Variants in DPP10 observed in about 807,000 individuals in gnomAD.
DPP10 encodes the protein inactive dipeptidyl peptidase 10.
Under a neutral mutation model 120.9 loss-of-function variants are expected in DPP10, and 33 were observed. The ratio of observed to expected loss-of-function variants is 0.27; its 90% CI spans 0.21 to 0.37. The LOEUF is 0.37. Among genes scored for constraint, DPP10 ranks in the 10% least tolerant of loss-of-function variants. The pLI is 1.00. For missense variants in DPP10, 816 were observed against 942.8 expected, an observed-to-expected ratio of 0.87 and a Z score of 1.76; for synonymous variants, 337 against 326.1, an observed-to-expected ratio of 1.03 and a Z score of -0.36.
intron 3 of DPP10, among the ~76,000 whole-genome samples, chr2:115,355,637 A>G (rs901593293): frequency 6.6e-6 from 1 of 152,204 alleles, no homozygotes; most frequent in Admixed American, 6.5e-5. Context: ...GCCCATGCCT[A>G]TGTCCTGAAT....
intron 1 of DPP10, among the ~76,000 whole-genome samples, chr2:114,492,613 C>A (rs1036706488): frequency 1.3e-5 from 2 of 152,092 alleles, no homozygotes; most frequent in Non-Finnish European, 2.9e-5. Context: ...AACTATTTTG[C>A]ATTTCAATAT....
At chr2:115,833,456 A>G (rs113501580) in intron 21 of DPP10, among the ~76,000 whole-genome samples, 5,861 of 152,224 alleles carry the variant, frequency 0.039, 351 homozygotes, top group Admixed American at 0.17. Context: ...ACTAGGAACA[A>G]TATACTGGAA....
chr2:115,148,769 C>T (rs1335570344), intron 1 of DPP10, among the ~76,000 whole-genome samples: 2 of 152,246 alleles, frequency 1.3e-5, no homozygotes, highest in South Asian at 2.1e-4. Flanking sequence ...CCATCTTAAC[C>T]GCTACGCATG....
chr2:114,620,404 G>A (rs565664134), intron 1 of DPP10, among the ~76,000 whole-genome samples: 17 of 151,946 alleles, frequency 1.1e-4, no homozygotes, highest in East Asian at 5.8e-4. Context: ...GTTAATTATC[G>A]CCTTATTTGA....
At chr2:115,437,319 T>A (rs182511789) in intron 3 of DPP10, among the ~76,000 whole-genome samples, 124 of 152,190 alleles carry the variant, frequency 8.1e-4, no homozygotes, top group Middle Eastern at 3.4e-3. Context: ...TACGTAAGTT[T>A]TCAGCATTAG....
chr2:115,642,468 A>G (rs959816709), intron 5 of DPP10, among the ~76,000 whole-genome samples: 7 of 152,160 alleles, frequency 4.6e-5, no homozygotes, highest in African/African-American at 1.4e-4. Context: ...TTGAACTGCA[A>G]TTCTTTTCCG....
chr2:115,119,214 C>T (rs2104726340), intron 1 of DPP10, among the ~76,000 whole-genome samples: 1 of 152,204 alleles, frequency 6.6e-6, no homozygotes, highest in Non-Finnish European at 1.5e-5. Context: ...AAGCATTTTT[C>T]CCTTACCAGT....
chr2:115,388,547 A>C (rs143940011), intron 3 of DPP10, among the ~76,000 whole-genome samples: 2 of 152,170 alleles, frequency 1.3e-5, no homozygotes, highest in Non-Finnish European at 2.9e-5. Flanking sequence ...GCTTGGACAA[A>C]TACTTCCTGG....
chr2:115,573,151 A>G (rs376544461), intron 5 of DPP10, among the ~76,000 whole-genome samples: 2 of 152,164 alleles, frequency 1.3e-5, no homozygotes, highest in African/African-American at 4.8e-5. Context: ...TAGGAAATAG[A>G]ACAGTCAGAG....
intron 1 of DPP10, among the ~76,000 whole-genome samples, chr2:114,465,529 G>A (rs1679289827): frequency 6.6e-6 from 1 of 152,040 alleles, no homozygotes; most frequent in Admixed American, 6.5e-5. Flanking sequence ...AGATCACAAA[G>A]TCCCTGAACA....
At chr2:114,845,293 T>G (rs1175421662) in intron 1 of DPP10, among the ~76,000 whole-genome samples, 2 of 152,142 alleles carry the variant, frequency 1.3e-5, no homozygotes, top group Admixed American at 1.3e-4. Flanking sequence ...ATGATATGAT[T>G]AACAAACATT....
chr2:115,145,136 T>C (rs1430213120), intron 1 of DPP10: 2 of 151,666 alleles, frequency 1.3e-5, no homozygotes, highest in Admixed American at 6.6e-5. Context: ...TTTTGTGATA[T>C]GTGTGTCAGA....
At chr2:114,963,787 A>G (rs941833746) in intron 1 of DPP10, among the ~76,000 whole-genome samples, 1 of 152,160 alleles carries the variant, frequency 6.6e-6, no homozygotes, top group Admixed American at 6.5e-5. Flanking sequence ...GGGATTTGCT[A>G]AAGATCAAAT....
At chr2:115,626,483 T>C (rs1231564777) in intron 5 of DPP10, among the ~76,000 whole-genome samples, 1 of 152,130 alleles carries the variant, frequency 6.6e-6, no homozygotes, top group African/African-American at 2.4e-5. Context: ...TTCCCCATGA[T>C]TTATACATGC....
At chr2:114,640,879 C>T (rs1227207436) in intron 1 of DPP10, among the ~76,000 whole-genome samples, 2 of 151,862 alleles carry the variant, frequency 1.3e-5, no homozygotes, top group East Asian at 3.9e-4. Flanking sequence ...AGGAGGTTTC[C>T]CTCGGTCCCA....
intron 1 of DPP10, among the ~76,000 whole-genome samples, chr2:114,605,174 A>G (rs1692687691): frequency 6.6e-6 from 1 of 152,098 alleles, no homozygotes; most frequent in African/African-American, 2.4e-5. Context: ...CCAGAGCTAG[A>G]TTAGTCAGAC....
chr2:114,810,515 C>CT (rs1476507211), intron 1 of DPP10, among the ~76,000 whole-genome samples: 1 of 152,110 alleles, frequency 6.6e-6, no homozygotes, highest in Non-Finnish European at 1.5e-5. Context: ...GATCATCATA[C>CT]AATAAGATAT....
In DPP10 at chr2:114,512,870, C is replaced by T. The variant is rs771649012; in HGVS notation, c.60+70032C>T. ...TCACGTTCCTGTTGAGGAATGCCTG[C>T]ACCTCTGACCAGCCTCAAACACTGC... On this transcript the variant is annotated intron_variant, in intron 1 of 25. Coordinates refer to ENST00000410059, the MANE Select transcript of DPP10 (RefSeq NM_020868.6). 4.6e-5 allele frequency among the ~76,000 whole-genome samples: 7 copies of T among 152,272 alleles called. No individual in the cohort carries two copies. The East Asian group carries it at 1.4e-3, about 29-fold the overall frequency.
At chr2:114,708,293 C>T (rs113386530) in intron 1 of DPP10, among the ~76,000 whole-genome samples, 180 of 152,178 alleles carry the variant, frequency 1.2e-3, no homozygotes, top group African/African-American at 3.9e-3. Flanking sequence ...CCCTGGTTGC[C>T]CCTGGGTTGC....
Sources: gnomAD v4.1 joint callset for allele counts (sites outside exome capture counted in the v4.1 genomes callset) on GRCh38, gnomAD v4.1.1 for gene constraint, MANE v1.5 for transcripts, NCBI Gene and HGNC (gene_info 2026-07-23, HGNC 2026-07-21) for gene names.